PCLO: variants seen among roughly 807,000 people sequenced by gnomAD.
PCLO encodes piccolo presynaptic cytomatrix protein, also known as protein piccolo.
PCLO carries 82 observed loss-of-function variants against 427.5 expected under a neutral mutation model. The ratio of observed to expected loss-of-function variants is 0.19; its 90% CI spans 0.16 to 0.23. PCLO has a LOEUF of 0.23. Among genes scored for constraint, PCLO ranks in the 10% least tolerant of loss-of-function variants. The pLI is 1.00. For synonymous variants in PCLO, 2,357 were observed against 2,155.4 expected (o/e 1.09, Z -2.59); for missense variants, 6,239 against 6,115.9 (o/e 1.02, Z -0.67).
At chr7:83,124,185 C>T (rs1171922934) in intron 3 of PCLO, among the ~76,000 whole-genome samples, 9 of 150,598 alleles carry the variant, frequency 6.0e-5, no homozygotes, top group Admixed American at 2.0e-4. Context: ...GGTGCAGTGG[C>T]GGGCGCCTGT....
In PCLO at chr7:83,024,593, T is replaced by G. The variant is rs969164979; in HGVS notation, c.3301-58106A>C. ...AAGCAGCCAGGAAGCTCGAACTGGG[T>G]GGAGCCCACCACAGCTCAAGGAGGC... On this transcript the variant is annotated intron_variant, in intron 3 of 24. Coordinates refer to ENST00000333891, the MANE Select transcript of PCLO (RefSeq NM_033026.6). Among the ~76,000 whole-genome samples the G allele has an allele frequency of 7.6e-4, 115 of 152,228 alleles. 6 individuals carry two copies. In the South Asian group the frequency reaches 0.023, roughly 31 times the overall value.
chr7:83,110,248 A>G (rs1790969388), intron 3 of PCLO, among the ~76,000 whole-genome samples: 1 of 151,984 alleles, frequency 6.6e-6, no homozygotes, highest in Non-Finnish European at 1.5e-5. Flanking sequence ...AATAATTTGT[A>G]TATTTAAATT....
At position 82,978,857 on chromosome 7, in the gene PCLO, A is replaced by AAC. The variant is rs66871387; in HGVS notation, c.3301-12372_3301-12371dup. Among the ~76,000 whole-genome samples, 833 of 138,650 alleles carry AAC rather than the reference A, an allele frequency of 6.0e-3. 5 individuals are homozygous for AAC. The highest frequency in any genetic ancestry group is 9.1e-3 in the South Asian group (40 of 4,394). 91.0% of individuals were successfully genotyped at this position (138,650 alleles called of 152,430 possible). ...AGAAACACACACACACACACACACA[A>AAC]ACACACACACACACACACACACACA... On this transcript the variant is annotated intron_variant, in intron 3 of 24. Coordinates refer to ENST00000333891, the MANE Select transcript of PCLO (RefSeq NM_033026.6).
chr7:82,849,425 G>A (rs141026799), intron 10 of PCLO, among the ~76,000 whole-genome samples: 3 of 152,204 alleles, frequency 2.0e-5, no homozygotes, highest in South Asian at 4.1e-4. Flanking sequence ...TTTCAGTGCT[G>A]TAGTTCAAAA....
chr7:82,812,907 T>C (rs1156995232), intron 20 of PCLO, among the ~76,000 whole-genome samples: 2 of 151,062 alleles, frequency 1.3e-5, no homozygotes, highest in East Asian at 1.9e-4. Context: ...CAACTGACAA[T>C]TGGAGAAAAA....
At chr7:82,872,683 A>G (rs1037582799) in intron 10 of PCLO, among the ~76,000 whole-genome samples, 125 of 152,148 alleles carry the variant, frequency 8.2e-4, no homozygotes, top group African/African-American at 2.9e-3. Context: ...AAAACTAATT[A>G]TAGCATTGTC....
intron 14 of PCLO, 40 bp from the exon 15 acceptor site, chr7:82,838,382 C>T (rs1458785405): frequency 8.6e-7 from 1 of 1,161,800 alleles, no homozygotes; most frequent in Non-Finnish European, 1.2e-6. Flanking sequence ...TTTTTAAAAG[C>T]ATGTTATACA....
intron 9 of PCLO, among the ~76,000 whole-genome samples, chr7:82,890,823 G>A (rs1262824426): frequency 6.6e-6 from 1 of 151,770 alleles, no homozygotes; most frequent in Admixed American, 6.6e-5. Context: ...GAAAAAAGAG[G>A]AGAATATTTG....
rs2116687977 is a variant in PCLO, at chr7:83,155,241, G to T, written c.1400C>A (p.Thr467Lys). Residue 467 changes from threonine to lysine, a missense_variant, in exon 2 of 25, where the codon ACA becomes AAA. Transcript: ENST00000333891. ...GCCAGGCAGTTGTGAAGGAGGCTTT[G>T]TTGGGCCAGTCTGCTGGGCAGAAGT... ...GKTSAQQTGP[T>K]KPPSQLPGPA... 6.2e-7 allele frequency: 1 copy of T among 1,613,924 alleles called. No homozygotes were observed. The highest frequency in any genetic ancestry group is 1.1e-5 in the South Asian group (1 of 91,076).
intron 3 of PCLO, among the ~76,000 whole-genome samples, chr7:83,040,690 T>TTA: frequency 6.6e-6 from 1 of 152,254 alleles, no homozygotes; most frequent in East Asian, 1.9e-4. Flanking sequence ...AACTTCCTCT[T>TTA]TTTTGAGAGT....
intron 22 of PCLO, among the ~76,000 whole-genome samples, chr7:82,794,459 C>CTGTTTTTTTTTTTTT (rs1554333552): frequency 0.01 from 564 of 56,382 alleles, 128 homozygotes; most frequent in Non-Finnish European, 0.017. Context: ...AATTTTTTTT[C>CTGTTTTTTTTTTTTT]TTTTTTTTTT....
At chr7:82,940,337 T>C (rs998416484) in intron 6 of PCLO, among the ~76,000 whole-genome samples, 4 of 152,298 alleles carry the variant, frequency 2.6e-5, no homozygotes, top group Admixed American at 6.5e-5. Context: ...CATTTATTCA[T>C]GTCGAAAGGA....
At chr7:82,789,985 C>T (rs753315900) in intron 22 of PCLO, among the ~76,000 whole-genome samples, 2 of 152,128 alleles carry the variant, frequency 1.3e-5, no homozygotes, top group Non-Finnish European at 2.9e-5. Context: ...CACATCATTT[C>T]ATCTTTATGA....
chr7:82,952,817 C>A lies in PCLO; in HGVS notation c.8136G>T (p.Lys2712Asn). The change falls in exon 5 of 25, where the codon AAG (lysine) becomes AAT (asparagine). Residue 2712 changes from lysine to asparagine, a missense_variant. Physicochemically the swap from Lys to Asn is moderately conservative, Grantham distance 94 (BLOSUM62 0). This residue lies in a region of PCLO where 4,677 missense variants were observed against 4,468.4 expected (regional missense o/e 1.05). Transcript: ENST00000333891. ...ATTTTCCATCTTCTTTATACTGAGG[C>A]TTCTCTAAATGTATGTTATCTAGAG... ...PLALDNIHLE[K>N]PQYKEDGKLQ... is the part of the protein sequence containing the mutation. 6.2e-7 allele frequency: 1 copy of A among 1,613,702 alleles called. No individual in the cohort carries two copies. Among genetic ancestry groups the A allele is most frequent in the Non-Finnish European group, 8.5e-7 (1 of 1,179,732 alleles).
In PCLO at chr7:82,887,852, G is replaced by A. The variant is rs369402716; in HGVS notation, c.13529-8390C>T. Among the ~76,000 whole-genome samples the A allele has an allele frequency of 2.2e-4, 34 of 152,180 alleles. No individual in the cohort carries two copies. The East Asian group carries it at 5.0e-3, about 23-fold the overall frequency. On this transcript the variant is annotated intron_variant, in intron 9 of 24. Coordinates refer to ENST00000333891, the MANE Select transcript of PCLO (RefSeq NM_033026.6). ...TGGGAGGCCAAGGCGGGCTAATCAC[G>A]AGGTCAAGAGTTCAAGACCAGCCTG...
intron 3 of PCLO, among the ~76,000 whole-genome samples, chr7:83,036,274 A>C (rs1168510491): frequency 1.3e-5 from 2 of 152,080 alleles, no homozygotes; most frequent in Admixed American, 1.3e-4. Flanking sequence ...CATTCCCCAG[A>C]GTTTCTGATT....
intron 3 of PCLO, chr7:83,017,842 T>C (rs1220036384): frequency 6.6e-6 from 1 of 152,122 alleles, no homozygotes; most frequent in South Asian, 2.1e-4. Context: ...TGGGAAAAAT[T>C]ATTTAACACA....
intron 22 of PCLO, among the ~76,000 whole-genome samples, chr7:82,784,020 T>C (rs754984814): frequency 5.9e-5 from 9 of 152,182 alleles, no homozygotes; most frequent in Non-Finnish European, 1.0e-4. Context: ...TATTAAATGA[T>C]AAACCTGATA....
rs1393072044 is a variant in PCLO, at chr7:82,902,743, T to G, written c.13438-2A>C. On this transcript the variant is annotated splice_acceptor_variant, in intron 8 of 24. Coordinates refer to ENST00000333891, the MANE Select transcript of PCLO (RefSeq NM_033026.6). LOFTEE classifies it high-confidence loss of function. ...AGTTTTCCCGTTCATCTGTATAATC[T>G]AAGACATACATGTAGTAAGGTAAAA... 7 of 1,516,934 alleles carry G rather than the reference T, an allele frequency of 4.6e-6. No homozygotes were observed. The highest frequency in any genetic ancestry group is 6.4e-6 in the Non-Finnish European group (7 of 1,093,498). 94.0% of individuals were successfully genotyped at this position (1,516,934 alleles called of 1,614,324 possible). A position where few individuals can be genotyped will look rare whatever the true frequency, so the allele number is the denominator to read the frequency against.
Sources: gnomAD v4.1 joint callset for allele counts (sites outside exome capture counted in the v4.1 genomes callset) on GRCh38, gnomAD v4.1.1 for gene constraint, gnomAD v4.1.1 regional missense constraint, MANE v1.5 for transcripts, NCBI Gene and HGNC (gene_info 2026-07-23, HGNC 2026-07-21) for gene names.